The following ZFHX3 variants were observed in gnomAD, a reference collection of about 807,000 sequenced individuals.
The protein encoded by ZFHX3 is zinc finger homeobox 3.
A neutral mutation model predicts 279.1 loss-of-function variants in ZFHX3; 42 were observed. The observed-to-expected ratio is 0.15, with a 90% CI of 0.12 to 0.19. The LOEUF is 0.19. Ranked by LOEUF, ZFHX3 falls within the 10% of genes least tolerant of loss-of-function variation. The pLI is 1.00. For synonymous variants in ZFHX3, 2,293 were observed against 1,957.8 expected (o/e 1.17, Z -4.52); for missense variants, 4,981 against 4,754.0 (o/e 1.05, Z -1.40).
At position 73,783,317 on chromosome 16, in the gene ZFHX3, G is replaced by A. The variant is rs556157079; in HGVS notation, c.-1607-103077C>T. On this transcript the variant is annotated intron_variant, in intron 1 of 17. Transcript: ENST00000641206. Reference sequence around the variant, plus strand: ...CTGCTGAGGCCTCTGCTGCAACTACGCCACTGTTGAACTCTTTCCTGTGTC... The same window carrying A: ...CTGCTGAGGCCTCTGCTGCAACTACACCACTGTTGAACTCTTTCCTGTGTC... 7.9e-5 allele frequency among the ~76,000 whole-genome samples: 12 copies of A among 152,212 alleles called. No homozygotes were observed. In the South Asian group the frequency reaches 2.3e-3, roughly 29 times the overall value.
chr16:73,843,211 G>A (rs1961356487), intron 1 of ZFHX3, among the ~76,000 whole-genome samples: 1 of 152,196 alleles, frequency 6.6e-6, no homozygotes, highest in Non-Finnish European at 1.5e-5. Flanking sequence ...GGCAGTTAGT[G>A]GGGAACGGAG....
chr16:72,834,090 T>A (rs1312949411), intron 4 of ZFHX3, among the ~76,000 whole-genome samples: 1 of 151,996 alleles, frequency 6.6e-6, no homozygotes, highest in South Asian at 2.1e-4. Flanking sequence ...CTACAAAAAA[T>A]GCAAAAATTA....
intron 6 of ZFHX3, among the ~76,000 whole-genome samples, chr16:73,135,733 T>C (rs2144825971): frequency 6.6e-6 from 1 of 152,362 alleles, no homozygotes; most frequent in East Asian, 1.9e-4. Context: ...TTGAAAGCCT[T>C]GGTTACACTG....
rs539214860 is a variant in ZFHX3, at chr16:72,944,844, AAGAG to A, written c.3216+5621_3216+5624del. Among the ~76,000 whole-genome samples the A allele has an allele frequency of 5.8e-4, 89 of 152,328 alleles. 1 individual carries two copies. In the East Asian group the frequency reaches 0.012, roughly 21 times the overall value. ...TACTATCCACAAAAAGGACTCAGAA[AAGAG>A]AGAGAGAAAAAAAACACTAAAAGCA... On this transcript the variant is annotated intron_variant, in intron 3 of 9. Coordinates refer to ENST00000268489, the MANE Select transcript of ZFHX3 (RefSeq NM_006885.4).
chr16:73,416,873 C>G (rs1308930194), intron 3 of ZFHX3, among the ~76,000 whole-genome samples: 1 of 151,430 alleles, frequency 6.6e-6, no homozygotes, highest in Non-Finnish European at 1.5e-5. Flanking sequence ...GACTCCGTCT[C>G]AAACAGAAAA....
At chr16:73,184,368 T>G (rs1597208803) in intron 5 of ZFHX3, among the ~76,000 whole-genome samples, 1 of 152,304 alleles carries the variant, frequency 6.6e-6, no homozygotes, top group Middle Eastern at 3.4e-3. Flanking sequence ...TTTTTGTCAG[T>G]TTTCAGGAGA....
intron 5 of ZFHX3, among the ~76,000 whole-genome samples, chr16:72,822,670 T>C (rs1239674534): frequency 6.6e-6 from 1 of 152,188 alleles, no homozygotes; most frequent in Non-Finnish European, 1.5e-5. Context: ...GTATTTTCTA[T>C]AGTGATGAAC....
chr16:72,904,562 C>G (rs2039123949), intron 3 of ZFHX3, among the ~76,000 whole-genome samples: 2 of 152,078 alleles, frequency 1.3e-5, no homozygotes. Context: ...CAATCCTCCA[C>G]TCCATTCCAC....
chr16:72,979,398 A>G (rs1675642502), intron 1 of ZFHX3, among the ~76,000 whole-genome samples: 1 of 152,208 alleles, frequency 6.6e-6, no homozygotes. Context: ...AAACACCACC[A>G]GCCAGGTGGC....
At chr16:73,497,602 C>T (rs773969337) in intron 2 of ZFHX3, among the ~76,000 whole-genome samples, 27 of 152,016 alleles carry the variant, frequency 1.8e-4, no homozygotes, top group African/African-American at 6.5e-4. Flanking sequence ...CCCAGGGGGT[C>T]GAGACTGTAG....
chr16:73,880,456 C>G (rs1260610120), intron 1 of ZFHX3, among the ~76,000 whole-genome samples: 1 of 152,076 alleles, frequency 6.6e-6, no homozygotes, highest in Non-Finnish European at 1.5e-5. Context: ...TAATTTGCAA[C>G]TTCAATGTGG....
intron 2 of ZFHX3, among the ~76,000 whole-genome samples, chr16:73,667,793 A>G (rs2052860492): frequency 6.6e-6 from 1 of 152,322 alleles, no homozygotes; most frequent in South Asian, 2.1e-4. Flanking sequence ...CACAAAACCT[A>G]CTGCACTGAA....
chr16:72,877,030 G>T (rs1348888137), intron 4 of ZFHX3, among the ~76,000 whole-genome samples: 2 of 152,146 alleles, frequency 1.3e-5, no homozygotes, highest in Non-Finnish European at 2.9e-5. Flanking sequence ...GGAATGACTG[G>T]ATGCCCTGCC....
intron 3 of ZFHX3, among the ~76,000 whole-genome samples, chr16:73,416,730 C>T (rs76898062): frequency 1.1e-4 from 16 of 150,356 alleles, no homozygotes; most frequent in African/African-American, 2.7e-4. Flanking sequence ...AAAAATTAGC[C>T]GGGTGCGGTG....
At chr16:73,266,664 G>A (rs1164472349) in intron 4 of ZFHX3, among the ~76,000 whole-genome samples, 2 of 152,188 alleles carry the variant, frequency 1.3e-5, no homozygotes, top group Non-Finnish European at 2.9e-5. Context: ...ATTCCCACAT[G>A]TCATAGGAGG....
chr16:73,539,981 T>C (rs1306618614), intron 2 of ZFHX3, among the ~76,000 whole-genome samples: 2 of 152,212 alleles, frequency 1.3e-5, no homozygotes, highest in African/African-American at 4.8e-5. Context: ...TAAGGACATG[T>C]GTGCTATGAA....
At chr16:73,068,982 C>T (rs933821949) in intron 8 of ZFHX3, among the ~76,000 whole-genome samples, 12 of 152,212 alleles carry the variant, frequency 7.9e-5, no homozygotes, top group Non-Finnish European at 1.5e-4. Flanking sequence ...CCCCTTTGGG[C>T]GCAACTGCAC....
intron 3 of ZFHX3, among the ~76,000 whole-genome samples, chr16:73,439,133 C>T (rs1597335921): frequency 6.6e-6 from 1 of 152,196 alleles, no homozygotes; most frequent in African/African-American, 2.4e-5. Context: ...CTGGAAAACT[C>T]TCTGAGGGTC....
chr16:73,533,654 G>GA (rs2019846302), intron 2 of ZFHX3, among the ~76,000 whole-genome samples: 1 of 152,024 alleles, frequency 6.6e-6, no homozygotes, highest in African/African-American at 2.4e-5. Flanking sequence ...ATAGACCTCT[G>GA]AAAATCAATT....
Sources: allele counts gnomAD v4.1 joint callset (sites outside exome capture counted in the v4.1 genomes callset), GRCh38; gene constraint gnomAD v4.1.1; transcripts MANE v1.5; gene names NCBI Gene and HGNC (gene_info 2026-07-23, HGNC 2026-07-21).